FMN2: variants seen among roughly 807,000 people sequenced by gnomAD.
FMN2 encodes formin-2.
A neutral mutation model predicts 142.3 loss-of-function variants in FMN2; 51 were observed. The ratio of observed to expected loss-of-function variants is 0.36; its 90% CI spans 0.29 to 0.45. FMN2 has a LOEUF of 0.45. Ranked by LOEUF, FMN2 falls within the 20% of genes least tolerant of loss-of-function variation. FMN2 has a pLI of 1.00. For synonymous variants in FMN2, 882 were observed against 869.8 expected, an observed-to-expected ratio of 1.01 and a Z score of -0.25; for missense variants, 1,936 against 2,122.8, an observed-to-expected ratio of 0.91 and a Z score of 1.73.
At chr1:240,214,383 C>G (rs1248186102) in intron 6 of FMN2, among the ~76,000 whole-genome samples, 1 of 151,802 alleles carries the variant, frequency 6.6e-6, no homozygotes, top group Non-Finnish European at 1.5e-5. Context: ...AACCCCGTCT[C>G]TACTAAAAAT....
At chr1:240,185,354 G>C (rs887589292) in intron 3 of FMN2, among the ~76,000 whole-genome samples, 2 of 151,898 alleles carry the variant, frequency 1.3e-5, no homozygotes, top group Non-Finnish European at 2.9e-5. Context: ...TGACCCTCTA[G>C]AACTCCTATT....
chr1:240,443,533 T>A (rs2103191904), intron 16 of FMN2, among the ~76,000 whole-genome samples: 1 of 152,112 alleles, frequency 6.6e-6, no homozygotes, highest in East Asian at 1.9e-4. Context: ...GGTGGGTGGA[T>A]CACAAGGTCA....
chr1:240,300,898 G>GTT (rs10693362), intron 8 of FMN2, among the ~76,000 whole-genome samples: 9,333 of 142,658 alleles, frequency 0.065, 414 homozygotes, highest in African/African-American at 0.12. Context: ...CTGTGTGCAT[G>GTT]TTTTTTTTTT....
At chr1:240,455,956 C>T (rs9662408) in intron 16 of FMN2, among the ~76,000 whole-genome samples, 112,848 of 151,504 alleles carry the variant, frequency 0.74, 42,189 homozygotes, top group Middle Eastern at 0.82. Flanking sequence ...GCCTGGGTGA[C>T]GGAGCGAGAC....
chr1:240,332,176 T>A (rs947852663), intron 11 of FMN2, among the ~76,000 whole-genome samples: 2 of 152,134 alleles, frequency 1.3e-5, no homozygotes, highest in African/African-American at 4.8e-5. Context: ...ATGATTTTTT[T>A]ATTTTTATAA....
At chr1:240,380,715 T>TAAAAAAAAAAA (rs11384026) in intron 14 of FMN2, among the ~76,000 whole-genome samples, 1 of 127,754 alleles carries the variant, frequency 7.8e-6, no homozygotes, top group Non-Finnish European at 1.7e-5. Context: ...CAAAACTAGT[T>TAAAAAAAAAAA]AAAAAAAAAA....
intron 16 of FMN2, among the ~76,000 whole-genome samples, chr1:240,452,579 T>TA (rs34837113): frequency 0.37 from 56,892 of 152,020 alleles, 11,249 homozygotes; most frequent in East Asian, 0.53. Context: ...GGCCTAAAGG[T>TA]AAATATTTTT....
intron 2 of FMN2, among the ~76,000 whole-genome samples, chr1:240,134,724 GAATT>G (rs1428788321): frequency 5.9e-5 from 9 of 152,090 alleles, no homozygotes; most frequent in South Asian, 2.1e-4. Flanking sequence ...CTGTGTTCTG[GAATT>G]AATTTATTAG....
chr1:240,173,299 T>C (rs1009209347), intron 2 of FMN2, among the ~76,000 whole-genome samples: 5 of 152,284 alleles, frequency 3.3e-5, no homozygotes, highest in South Asian at 2.1e-4. Context: ...ACAAGACCTG[T>C]GTCCACCCTT....
At chr1:240,252,083 A>T (rs1668295556) in intron 6 of FMN2, among the ~76,000 whole-genome samples, 1 of 151,850 alleles carries the variant, frequency 6.6e-6, no homozygotes, top group South Asian at 2.1e-4. Flanking sequence ...TGATTTTTGT[A>T]TTTTTAGTAG....
At chr1:240,105,053 T>C (rs1217778052) in intron 1 of FMN2, among the ~76,000 whole-genome samples, 2 of 151,528 alleles carry the variant, frequency 1.3e-5, no homozygotes, top group Non-Finnish European at 1.5e-5. Flanking sequence ...TTTATTTGAG[T>C]AGGTACTGTC....
At chr1:240,276,872 C>A (rs1669232823) in intron 7 of FMN2, among the ~76,000 whole-genome samples, 2 of 152,168 alleles carry the variant, frequency 1.3e-5, no homozygotes, top group Non-Finnish European at 2.9e-5. Flanking sequence ...TTTCGAGGCT[C>A]TGCCTGGAAA....
At chr1:240,227,023 A>T (rs374539146) in intron 6 of FMN2, among the ~76,000 whole-genome samples, 8 of 152,206 alleles carry the variant, frequency 5.3e-5, no homozygotes, top group African/African-American at 1.7e-4. Context: ...GAAAGAAATA[A>T]ATGGTCTCCT....
chr1:240,116,675 T>G (rs1662036380), intron 1 of FMN2, among the ~76,000 whole-genome samples: 1 of 152,030 alleles, frequency 6.6e-6, no homozygotes, highest in African/African-American at 2.4e-5. Flanking sequence ...AGGATTGCTT[T>G]TGTCCAGAAG....
At chr1:240,184,391 C>CT (rs1665296867) in intron 3 of FMN2, among the ~76,000 whole-genome samples, 1 of 151,494 alleles carries the variant, frequency 6.6e-6, no homozygotes. Flanking sequence ...TGCCCACCAC[C>CT]AGGCCGGCTC....
In FMN2 at chr1:240,474,186, G is replaced by A. The variant is rs201324843; in HGVS notation, c.*32G>A. 2.1e-5 allele frequency: 32 copies of A among 1,533,686 alleles called. No individual in the cohort carries two copies. The highest frequency in any genetic ancestry group is 2.8e-5 in the Non-Finnish European group (32 of 1,148,970). ...AAAAGCAGAATGAAAATGAGTCATTGCAACGACTTTCACAAAATTCAGCTG... is the reference window on the plus strand; with the variant it reads ...AAAAGCAGAATGAAAATGAGTCATTACAACGACTTTCACAAAATTCAGCTG... On this transcript the variant is annotated 3_prime_UTR_variant, in exon 18 of 18. Coordinates refer to ENST00000319653, the MANE Select transcript of FMN2 (RefSeq NM_020066.5).
At chr1:240,326,453 T>C (rs762920243) in intron 8 of FMN2, among the ~76,000 whole-genome samples, 1 of 152,194 alleles carries the variant, frequency 6.6e-6, no homozygotes, top group Non-Finnish European at 1.5e-5. Flanking sequence ...TCTGAAGACA[T>C]TGATGAATTT....
chr1:240,159,488 A>G (rs1664169797), intron 2 of FMN2, among the ~76,000 whole-genome samples: 1 of 152,050 alleles, frequency 6.6e-6, no homozygotes, highest in East Asian at 1.9e-4. Flanking sequence ...TGGAGTTCAA[A>G]ATGGGGTTCC....
At chr1:240,183,444 T>G (rs1196939181) in intron 3 of FMN2, among the ~76,000 whole-genome samples, 1 of 148,042 alleles carries the variant, frequency 6.8e-6, no homozygotes, top group African/African-American at 2.5e-5. Context: ...TAGGTTATGA[T>G]TATATAATAT....
Sources: gnomAD v4.1 joint callset for allele counts (sites outside exome capture counted in the v4.1 genomes callset) on GRCh38, gnomAD v4.1.1 for gene constraint, MANE v1.5 for transcripts, NCBI Gene and HGNC (gene_info 2026-07-23, HGNC 2026-07-21) for gene names.